Variants in MALRD1 observed in about 807,000 individuals in gnomAD.
MALRD1 encodes MAM and LDL receptor class A domain containing 1.
A neutral mutation model predicts 242.1 loss-of-function variants in MALRD1; 247 were observed. The observed-to-expected ratio is 1.02, with a 90% CI of 0.92 to 1.13. MALRD1 has a LOEUF of 1.13. MALRD1 is among the 50% of genes most tolerant of loss of function. The probability of loss-of-function intolerance (pLI) is 0.00; values close to 1 mark genes in which losing one functional copy is unlikely to be tolerated. For missense variants in MALRD1, 2,989 were observed against 2,533.1 expected, an observed-to-expected ratio of 1.18 and a Z score of -3.86; for synonymous variants, 995 against 866.6, an observed-to-expected ratio of 1.15 and a Z score of -2.60.
At chr10:19,238,945 G>A (rs1838630317) in intron 18 of MALRD1, among the ~76,000 whole-genome samples, 1 of 151,422 alleles carries the variant, frequency 6.6e-6, no homozygotes, top group Admixed American at 6.6e-5. Flanking sequence ...TCTTATTGTG[G>A]TTTTGATTTG....
intron 5 of MALRD1, among the ~76,000 whole-genome samples, chr10:19,115,396 C>T (rs756607123): frequency 1.3e-5 from 2 of 151,820 alleles, no homozygotes; most frequent in Non-Finnish European, 2.9e-5. Flanking sequence ...ATATAACAAA[C>T]CCACATATGT....
Position 19,718,041 on chromosome 10 carries a change from AGAAGAG to A in MALRD1, c.6315-12659_6315-12654del, listed in dbSNP as rs1394299045. ...ATAAATAAATAAATAAAGAGGAAGA[AGAAGAG>A]GAAGAAGAAGAGGAAGAAGAAGAAG... On this transcript the variant is annotated intron_variant, in intron 38 of 39. Transcript: ENST00000454679. 6.4e-4 allele frequency among the ~76,000 whole-genome samples: 77 copies of A among 119,844 alleles called. 1 individual carries two copies. The East Asian group carries it at 0.011, about 18-fold the overall frequency. 78.6% of individuals were successfully genotyped at this position (119,844 alleles called of 152,430 possible).
Position 19,491,497 on chromosome 10 carries a change from GT to G in MALRD1, c.5030-13del, listed in dbSNP as rs745745640. On this transcript the variant is annotated intron_variant, in intron 29 of 39. Coordinates refer to ENST00000454679, the MANE Select transcript of MALRD1 (RefSeq NM_001142308.3). ...AAAATATTGATGGAATACTGCTTTT[GT>G]TTTTTTGTTTTTCCCTAGTGGGAGA... 7.8e-6 allele frequency: 12 copies of G among 1,546,800 alleles called. No individual in the cohort carries two copies. Among genetic ancestry groups the G allele is most frequent in the South Asian group, 1.2e-5 (1 of 84,000 alleles).
At chr10:19,243,310 T>C (rs950843227) in intron 18 of MALRD1, among the ~76,000 whole-genome samples, 1 of 152,126 alleles carries the variant, frequency 6.6e-6, no homozygotes, top group Non-Finnish European at 1.5e-5. Context: ...AATCAATTAT[T>C]TAATGGCAGC....
intron 36 of MALRD1, among the ~76,000 whole-genome samples, chr10:19,688,038 C>T (rs186682750): frequency 1.1e-4 from 16 of 152,056 alleles, no homozygotes; most frequent in African/African-American, 2.7e-4. Flanking sequence ...GGAGTGATCT[C>T]GAGTCACTGC....
At chr10:19,165,043 T>G (rs528170044) in intron 12 of MALRD1, among the ~76,000 whole-genome samples, 1 of 151,826 alleles carries the variant, frequency 6.6e-6, no homozygotes, top group South Asian at 2.1e-4. Context: ...AAACTTTTTC[T>G]TGTTTGAAAC....
At chr10:19,054,709 A>G (rs1478306983) in intron 1 of MALRD1, among the ~76,000 whole-genome samples, 1 of 152,182 alleles carries the variant, frequency 6.6e-6, no homozygotes, top group Admixed American at 6.5e-5. Flanking sequence ...CTTCAGGTTC[A>G]TTCGTGTTGT....
At chr10:19,477,829 A>G (rs530313772) in intron 29 of MALRD1, among the ~76,000 whole-genome samples, 1 of 152,274 alleles carries the variant, frequency 6.6e-6, no homozygotes, top group East Asian at 1.9e-4. Flanking sequence ...ATCCCACCGT[A>G]ATCTTTTATT....
chr10:19,546,970 A>AT (rs1016693470), intron 32 of MALRD1, among the ~76,000 whole-genome samples: 69 of 151,994 alleles, frequency 4.5e-4, no homozygotes, highest in Middle Eastern at 3.4e-3. Context: ...TTAGAAATTC[A>AT]TTTTTTTTCC....
rs150397970 is a variant in MALRD1, at chr10:19,461,546, A to T, written c.5029+11056A>T. Among the ~76,000 whole-genome samples the T allele has an allele frequency of 3.7e-4, 57 of 152,292 alleles. No homozygotes were observed. The East Asian group carries it at 7.9e-3, about 21-fold the overall frequency. ...ACAACGTCAGGAAGATATGGAAATC[A>T]AAGATTAAAAAGTGAGAGGGGGTAG... On this transcript the variant is annotated intron_variant, in intron 29 of 39. Transcript: ENST00000454679.
upstream of MALRD1, among the ~76,000 whole-genome samples, chr10:19,048,543 C>A (rs1469355332): frequency 3.3e-5 from 5 of 152,166 alleles, no homozygotes; most frequent in African/African-American, 1.2e-4. Flanking sequence ...GGAATTAAGA[C>A]AGACCATTTT....
intron 31 of MALRD1, among the ~76,000 whole-genome samples, chr10:19,521,883 T>C (rs779942934): frequency 6.6e-6 from 1 of 152,166 alleles, no homozygotes; most frequent in Non-Finnish European, 1.5e-5. Context: ...ATCTCTGTTA[T>C]TGTCATCATC....
intron 32 of MALRD1, among the ~76,000 whole-genome samples, chr10:19,546,359 G>A (rs1273947633): frequency 6.6e-6 from 1 of 152,144 alleles, no homozygotes; most frequent in Non-Finnish European, 1.5e-5. Context: ...GTTGAAGGAG[G>A]TACACGTATT....
chr10:19,419,574 C>A (rs1041772278), intron 28 of MALRD1, among the ~76,000 whole-genome samples: 32 of 152,120 alleles, frequency 2.1e-4, no homozygotes, highest in Non-Finnish European at 4.4e-5. Flanking sequence ...CTGGCCTCTG[C>A]CTCCCAAAGT....
At chr10:19,670,482 C>T (rs1589381763) in intron 36 of MALRD1, among the ~76,000 whole-genome samples, 1 of 152,196 alleles carries the variant, frequency 6.6e-6, no homozygotes, top group South Asian at 2.1e-4. Context: ...ACTGAGTTGT[C>T]TGCTGAATTA....
chr10:19,491,022 T>G, intron 29 of MALRD1: 1 of 196,254 alleles, frequency 5.1e-6, no homozygotes. Flanking sequence ...AAATAGACAG[T>G]TGCTTTAACC....
At chr10:19,729,639 T>C (rs1185074043) in intron 38 of MALRD1, among the ~76,000 whole-genome samples, 4 of 151,498 alleles carry the variant, frequency 2.6e-5, no homozygotes, top group Non-Finnish European at 4.4e-5. Context: ...TACTTTTTTT[T>C]GTTCCTACGA....
intron 25 of MALRD1, 50 bp from the exon 26 acceptor site, chr10:19,351,956 A>G (rs1225139155): frequency 7.2e-7 from 1 of 1,387,734 alleles, no homozygotes; most frequent in African/African-American, 1.5e-5. Context: ...ATAATATCAT[A>G]TTAATTATAC....
chr10:19,337,001 G>A (rs555465564), intron 24 of MALRD1, among the ~76,000 whole-genome samples: 5 of 152,124 alleles, frequency 3.3e-5, no homozygotes, highest in African/African-American at 1.2e-4. Context: ...TTCTTCTTGA[G>A]CATGTACTTC....
Sources: allele counts gnomAD v4.1 joint callset (sites outside exome capture counted in the v4.1 genomes callset), GRCh38; gene constraint gnomAD v4.1.1; transcripts MANE v1.5; gene names NCBI Gene and HGNC (gene_info 2026-07-23, HGNC 2026-07-21).